Variants in FBXL2 observed in about 807,000 individuals in gnomAD.
The protein encoded by FBXL2 is F-box/LRR-repeat protein 2.
In FBXL2, 38 loss-of-function variants were observed where a neutral mutation model predicts 69.2. The observed-to-expected ratio is 0.55, with a 90% CI of 0.42 to 0.72. The LOEUF (loss-of-function observed/expected upper bound fraction) is 0.72, where lower values mean the gene tolerates loss of function less well. Ranked by LOEUF, FBXL2 falls within the 30% of genes least tolerant of loss-of-function variation. The pLI is 0.00. For synonymous variants in FBXL2, 192 were observed against 201.3 expected (o/e 0.95, Z 0.39); for missense variants, 354 against 520.3 (o/e 0.68, Z 3.11).
At chr3:33,360,206 G>A (rs562220354) in intron 4 of FBXL2, among the ~76,000 whole-genome samples, 76 of 152,200 alleles carry the variant, frequency 5.0e-4, no homozygotes, top group Admixed American at 1.3e-3. Context: ...TTACCAAGAT[G>A]TATATATTGG....
intron 4 of FBXL2, among the ~76,000 whole-genome samples, chr3:33,359,726 G>A (rs999276186): frequency 5.3e-5 from 8 of 151,186 alleles, no homozygotes; most frequent in Admixed American, 4.6e-4. Context: ...GTGGAGAAAT[G>A]GCAGAAGCAG....
intron 2 of FBXL2, among the ~76,000 whole-genome samples, chr3:33,334,431 A>G (rs960112961): frequency 2.6e-5 from 4 of 152,234 alleles, no homozygotes; most frequent in African/African-American, 7.2e-5. Flanking sequence ...CATTTCAGCA[A>G]TTATTCACTA....
intron 5 of FBXL2, among the ~76,000 whole-genome samples, chr3:33,370,424 A>C (rs928408046): frequency 1.3e-5 from 2 of 151,896 alleles, no homozygotes; most frequent in Non-Finnish European, 2.9e-5. Context: ...TCTCAAAAAA[A>C]AAAAAAAATT....
downstream of FBXL2, among the ~76,000 whole-genome samples, chr3:33,403,931 C>T (rs149049340): frequency 4.6e-3 from 694 of 152,278 alleles, 4 homozygotes; most frequent in African/African-American, 0.016. Flanking sequence ...GGCATCACAT[C>T]TAACTATAGC....
downstream of FBXL2, chr3:33,391,493 A>T (rs2043761796): frequency 6.6e-6 from 1 of 152,170 alleles, no homozygotes; most frequent in South Asian, 2.1e-4. Flanking sequence ...TTACATCTCA[A>T]GCCCAGGCCT....
At chr3:33,315,163 T>A (rs2037561795) in intron 2 of FBXL2, among the ~76,000 whole-genome samples, 1 of 152,062 alleles carries the variant, frequency 6.6e-6, no homozygotes, top group Admixed American at 6.5e-5. Context: ...TTGTCCTCCC[T>A]CCCTTCCCTG....
rs2043476383 is a variant in FBXL2 at position 33,386,909 on chromosome 3, A to AACTT, written c.*1303_*1306dup. On this transcript the variant is annotated 3_prime_UTR_variant, in exon 15 of 15. Coordinates refer to ENST00000484457, the MANE Select transcript of FBXL2 (RefSeq NM_012157.5). Reference sequence around the variant, plus strand: ...AACTGAAGGGCCAGAGCTCATGAGAAACTTAAAAGTGAAACGGCAAAAGCA... The same window carrying AACTT: ...AACTGAAGGGCCAGAGCTCATGAGAAACTTACTTAAAAGTGAAACGGCAAAAGCA... 2 of 152,078 alleles carry AACTT rather than the reference A, an allele frequency of 1.3e-5. No homozygotes were observed. Among genetic ancestry groups the AACTT allele is most frequent in the Non-Finnish European group, 2.9e-5 (2 of 67,834 alleles). The allele number at this position is 152,078 out of a possible 1,614,324, so 9.4% of individuals were successfully genotyped here.
intron 1 of FBXL2, among the ~76,000 whole-genome samples, chr3:33,278,748 C>G (rs150596410): frequency 0.013 from 1,922 of 152,212 alleles, 41 homozygotes; most frequent in African/African-American, 0.042. Context: ...GTGTATGTTT[C>G]TTTTTTAAAT....
At chr3:33,299,986 G>A (rs1389912023) in intron 2 of FBXL2, among the ~76,000 whole-genome samples, 2 of 152,050 alleles carry the variant, frequency 1.3e-5, no homozygotes, top group African/African-American at 2.4e-5. Flanking sequence ...TGTAGATGGT[G>A]CCCCCTAGGA....
At chr3:33,367,273 G>T (rs1187975404) in intron 5 of FBXL2, among the ~76,000 whole-genome samples, 1 of 151,986 alleles carries the variant, frequency 6.6e-6, no homozygotes, top group Non-Finnish European at 1.5e-5. Context: ...TAGAGACGGG[G>T]GTTTCACCAT....
At chr3:33,384,578 C>A (rs948322891) in intron 14 of FBXL2, among the ~76,000 whole-genome samples, 10 of 152,090 alleles carry the variant, frequency 6.6e-5, no homozygotes, top group African/African-American at 2.4e-4. Context: ...ATCGATCAAT[C>A]AACACTCATT....
chr3:33,334,684 A>G lies in FBXL2; in HGVS notation c.66-24283A>G, dbSNP rs538032287. Among the ~76,000 whole-genome samples, 225 of 152,316 alleles carry G rather than the reference A, an allele frequency of 1.5e-3. 1 individual carries two copies. Among genetic ancestry groups the G allele is most frequent in the Non-Finnish European group, 2.6e-3 (175 of 68,028 alleles). The stretch of plus-strand genomic sequence containing the variant: ...TGATGACAGACAACCCACAGATTCA[A>G]GAAGCTCAGTGAGTAAATATGAAAC... On this transcript the variant is annotated intron_variant, in intron 2 of 14. Transcript: ENST00000484457.
intron 12 of FBXL2, chr3:33,400,037 T>A (rs2044162250): frequency 6.8e-6 from 3 of 439,000 alleles, no homozygotes; most frequent in Middle Eastern, 5.0e-4. Flanking sequence ...ATATTCCTAT[T>A]GGGGGATAGA....
chr3:33,414,304 GA>G, the FBXL2 span: 2 of 152,020 alleles, frequency 1.3e-5, no homozygotes, highest in African/African-American at 4.8e-5. Context: ...CGGGAGAGAG[GA>G]AAGGAACTTC....
chr3:33,359,688 C>T (rs1290044407), intron 4 of FBXL2, among the ~76,000 whole-genome samples: 1 of 151,628 alleles, frequency 6.6e-6, no homozygotes, highest in African/African-American at 2.4e-5. Context: ...CTAGAAAATC[C>T]ACCGAGAATT....
At chr3:33,405,362 T>C (rs545260280), downstream of FBXL2, among the ~76,000 whole-genome samples, 29 of 152,338 alleles carry the variant, frequency 1.9e-4, no homozygotes, top group South Asian at 5.2e-3. Flanking sequence ...TTAGATTCCA[T>C]AGGATGCACT....
At chr3:33,407,753 A>G (rs1350531212), downstream of FBXL2, among the ~76,000 whole-genome samples, 2 of 152,236 alleles carry the variant, frequency 1.3e-5, no homozygotes, top group African/African-American at 2.4e-5. Flanking sequence ...GATATGTGTA[A>G]GAATGAAAAA....
downstream of FBXL2, chr3:33,390,572 G>T: frequency 1.7e-6 from 1 of 603,248 alleles, no homozygotes; most frequent in Admixed American, 3.0e-5. Flanking sequence ...TAGACATTCT[G>T]CGAAGCCTGG....
At chr3:33,381,331 CGT>C (rs1224621818) in intron 13 of FBXL2, among the ~76,000 whole-genome samples, 1 of 152,136 alleles carries the variant, frequency 6.6e-6, no homozygotes, top group Non-Finnish European at 1.5e-5. Flanking sequence ...CACGTATATA[CGT>C]GTGAATCCAT....
Sources: allele counts gnomAD v4.1 joint callset (sites outside exome capture counted in the v4.1 genomes callset), GRCh38; gene constraint gnomAD v4.1.1; transcripts MANE v1.5; gene names NCBI Gene and HGNC (gene_info 2026-07-23, HGNC 2026-07-21).